RGS12: variants seen among roughly 807,000 people sequenced by gnomAD.
RGS12 encodes regulator of G-protein signaling 12.
A neutral mutation model predicts 120.1 loss-of-function variants in RGS12; 66 were observed. The ratio of observed to expected loss-of-function variants is 0.55; its 90% confidence interval spans 0.45 to 0.67. The LOEUF (loss-of-function observed/expected upper bound fraction) is 0.67, where lower values mean the gene tolerates loss of function less well. Among genes scored for constraint, RGS12 ranks in the 30% least tolerant of loss-of-function variants. The pLI, the probability that RGS12 is intolerant of heterozygous loss-of-function variation, is 0.00. For missense variants in RGS12, 1,859 were observed against 1,957.7 expected (o/e 0.95, Z 0.95); for synonymous variants, 827 against 804.7 (o/e 1.03, Z -0.47).
chr4:3,309,601 CTGGGACCT>C (rs1724211514), intron 1 of RGS12, among the ~76,000 whole-genome samples: 5 of 127,026 alleles, frequency 3.9e-5, no homozygotes, highest in Admixed American at 7.9e-5. Flanking sequence ...TGAGGAGGAG[CTGGGACCT>C]GGGAATGGCA....
chr4:3,336,713 A>G (rs1459375348), intron 2 of RGS12, among the ~76,000 whole-genome samples: 3 of 152,370 alleles, frequency 2.0e-5, no homozygotes, highest in East Asian at 3.9e-4. Flanking sequence ...AAAAAAATAC[A>G]TAAATTGCAT....
intron 17 of RGS12, among the ~76,000 whole-genome samples, chr4:3,432,467 C>T (rs1245637668): frequency 5.3e-5 from 8 of 152,208 alleles, no homozygotes; most frequent in East Asian, 1.9e-4. Context: ...ACCCACACCC[C>T]GGCCCTGCAG....
intron 1 of RGS12, among the ~76,000 whole-genome samples, chr4:3,299,860 C>T (rs1723580665): frequency 6.6e-6 from 1 of 152,128 alleles, no homozygotes; most frequent in Non-Finnish European, 1.5e-5. Flanking sequence ...CTTTGACTTT[C>T]CAGAGGCCCA....
At chr4:3,400,067 G>T (rs946944588) in intron 4 of RGS12, among the ~76,000 whole-genome samples, 1 of 152,138 alleles carries the variant, frequency 6.6e-6, no homozygotes, top group Non-Finnish European at 1.5e-5. Context: ...CTTCCACAAG[G>T]GGGGGCAACA....
At chr4:3,337,259 C>T (rs961505158) in intron 2 of RGS12, among the ~76,000 whole-genome samples, 3 of 152,170 alleles carry the variant, frequency 2.0e-5, no homozygotes, top group Non-Finnish European at 2.9e-5. Context: ...GGAGTCCTGG[C>T]GCACTGCTGG....
At chr4:3,347,996 C>T (rs1248832175) in intron 3 of RGS12, among the ~76,000 whole-genome samples, 2 of 152,168 alleles carry the variant, frequency 1.3e-5, no homozygotes, top group Non-Finnish European at 2.9e-5. Flanking sequence ...ATACAATTTA[C>T]CAGATAAGCC....
rs1719202425 is a variant in RGS12, at chr4:3,389,214, A to G, written c.2020+2777A>G. 6.6e-6 allele frequency among the ~76,000 whole-genome samples: 1 copy of G among 152,016 alleles called. No individual in the cohort carries two copies. The highest frequency in any genetic ancestry group is 1.9e-4 in the East Asian group (1 of 5,154). ...GGAGTGTGTTTTTTCACTTTTTCAG[A>G]AGAAAGGGGCTGATAATGGCCACCC... On this transcript the variant is annotated intron_variant, in intron 4 of 17. Transcript: ENST00000336727. The surrounding 1 kb of genome is among the most constrained non-coding windows in gnomAD (Gnocchi z 5.2).
chr4:3,316,248 C>A lies in RGS12; in HGVS notation c.78C>A (p.Ala26=), dbSNP rs1310720578. Residue 26 remains alanine (A), a synonymous_variant, in exon 2 of 18, where the codon GCC becomes GCA. Coordinates refer to ENST00000336727, the MANE Select transcript of RGS12 (RefSeq NM_001394154.1). ...SPPRVRSVEV[A]RGRAGYGFTL... Reference sequence around the variant, plus strand: ...CAAGGGTGCGGAGTGTGGAGGTTGCCCGGGGGAGGGCCGGCTACGGATTCA... The same window carrying A: ...CAAGGGTGCGGAGTGTGGAGGTTGCACGGGGGAGGGCCGGCTACGGATTCA... 1.2e-6 allele frequency: 2 copies of A among 1,613,048 alleles called. No homozygotes were observed. Among genetic ancestry groups the A allele is most frequent in the Non-Finnish European group, 1.7e-6 (2 of 1,179,416 alleles).
chr4:3,438,876 C>T (rs924974852), intron 17 of RGS12, among the ~76,000 whole-genome samples: 2 of 152,042 alleles, frequency 1.3e-5, no homozygotes, highest in East Asian at 1.9e-4. Flanking sequence ...GGGACACGAC[C>T]GGGAGGCCCA....
At chr4:3,287,343 T>C in the RGS12 span, among the ~76,000 whole-genome samples, 1 of 151,902 alleles carries the variant, frequency 6.6e-6, no homozygotes, top group Non-Finnish European at 1.5e-5. Flanking sequence ...TCAAGGCACA[T>C]CACATGGTCT....
At chr4:3,414,519 TAAG>T (rs1722123771) in intron 5 of RGS12, 1 of 601,224 alleles carries the variant, frequency 1.7e-6, no homozygotes. Flanking sequence ...CTATCTGTGT[TAAG>T]AAGCCAGGTG....
intron 3 of RGS12, among the ~76,000 whole-genome samples, chr4:3,377,781 C>T (rs913415507): frequency 3.7e-4 from 57 of 152,268 alleles, no homozygotes; most frequent in East Asian, 3.7e-3. Context: ...GCTGAGCTGC[C>T]GCGTTCAAGA....
chr4:3,369,896 A>G, intron 3 of RGS12: 1 of 432,444 alleles, frequency 2.3e-6, no homozygotes, highest in Middle Eastern at 9.9e-4. Context: ...ATTCATTGGC[A>G]GCTGTAATTA....
chr4:3,293,160 C>A (rs892885673), intron 1 of RGS12, 61 bp downstream of exon 1: 2 of 145,684 alleles, frequency 1.4e-5, no homozygotes, highest in African/African-American at 4.9e-5. Context: ...CTCTTTCTTT[C>A]GTCTCCGGGG....
intron 4 of RGS12, 68 bp from the exon 5 acceptor site, chr4:3,414,004 C>T (rs953157103): frequency 9.0e-6 from 13 of 1,445,844 alleles, no homozygotes; most frequent in African/African-American, 7.0e-5. Context: ...CTCCTGTGGG[C>T]GGGCAGAGCA....
intron 1 of RGS12, among the ~76,000 whole-genome samples, chr4:3,302,455 G>A (rs370174113): frequency 1.2e-4 from 18 of 152,372 alleles, no homozygotes; most frequent in African/African-American, 3.4e-4. Flanking sequence ...CAGGATTGGA[G>A]TTTCTGGAGT....
At chr4:3,379,932 A>G (rs575567641) in intron 3 of RGS12, among the ~76,000 whole-genome samples, 3 of 152,282 alleles carry the variant, frequency 2.0e-5, no homozygotes, top group African/African-American at 4.8e-5. Context: ...TTGAAACACA[A>G]TCATGCCCTT....
intron 3 of RGS12, among the ~76,000 whole-genome samples, chr4:3,384,865 C>T (rs1332991029): frequency 1.3e-5 from 2 of 151,020 alleles, no homozygotes; most frequent in South Asian, 4.2e-4. Flanking sequence ...TGGCAGTGGA[C>T]CCCGGATGGC....
intron 3 of RGS12, chr4:3,370,245 C>T (rs376802649): frequency 1.2e-6 from 2 of 1,613,594 alleles, no homozygotes; most frequent in African/African-American, 1.3e-5. Flanking sequence ...ACCCGGGTGC[C>T]TAGTGTGGCT....
Sources: gnomAD v4.1 joint callset for allele counts (sites outside exome capture counted in the v4.1 genomes callset) on GRCh38, gnomAD v4.1.1 for gene constraint, Gnocchi (gnomAD v3.1) non-coding constraint, MANE v1.5 for transcripts, NCBI Gene and HGNC (gene_info 2026-07-23, HGNC 2026-07-21) for gene names.